Variants in GEMIN5 observed in about 807,000 individuals in gnomAD.
GEMIN5 encodes the protein gem-associated protein 5.
Under a neutral mutation model 176.9 loss-of-function variants are expected in GEMIN5, and 124 were observed. The observed-to-expected ratio is 0.70, with a 90% CI of 0.61 to 0.81. The LOEUF (loss-of-function observed/expected upper bound fraction) is 0.81, where lower values mean the gene tolerates loss of function less well. Among genes scored for constraint, GEMIN5 ranks in the 40% least tolerant of loss-of-function variants. The pLI, the probability that GEMIN5 is intolerant of heterozygous loss-of-function variation, is 0.00. For missense variants in GEMIN5, 1,843 were observed against 1,814.6 expected (o/e 1.02, Z -0.28); for synonymous variants, 673 against 665.2 (o/e 1.01, Z -0.18).
intron 11 of GEMIN5, among the ~76,000 whole-genome samples, chr5:154,919,586 A>G (rs1365782676): frequency 6.6e-6 from 1 of 152,236 alleles, no homozygotes; most frequent in Non-Finnish European, 1.5e-5. Flanking sequence ...TTTGGATACT[A>G]TATTATTGTT....
intron 5 of GEMIN5, 91 bp from the exon 6 acceptor site, chr5:154,928,750 G>T: frequency 9.5e-7 from 1 of 1,049,572 alleles, no homozygotes; most frequent in Non-Finnish European, 1.4e-6. Context: ...AGTCTGCGCT[G>T]TAAAAGCTTG....
At position 154,907,548 on chromosome 5, in the gene GEMIN5, A is replaced by T. The variant is rs776216197; in HGVS notation, c.2395+43T>A. 2.1e-6 allele frequency: 3 copies of T among 1,458,030 alleles called. No homozygotes were observed. The South Asian group carries it at 3.4e-5, about 17-fold the overall frequency. 90.3% of individuals were successfully genotyped at this position (1,458,030 alleles called of 1,614,324 possible). A position where few individuals can be genotyped will look rare whatever the true frequency, so the allele number is the denominator to read the frequency against. ...AAGGACCTAGCTTAGTTTCCCAGAC[A>T]CGACCATGAAATCCTAGTGATACAC... On this transcript the variant is annotated intron_variant, in intron 16 of 27. Transcript: ENST00000285873.
At position 154,907,702 on chromosome 5, in the gene GEMIN5, C is replaced by T; in HGVS notation, c.2284G>A (p.Glu762Lys). 1.2e-6 allele frequency: 2 copies of T among 1,614,094 alleles called. No individual in the cohort carries two copies. The highest frequency in any genetic ancestry group is 1.1e-5 in the South Asian group (1 of 91,084). ...PVKLESIDGN[E>K]EESMKENSGP... ...GAGTTCTCCTTCATGCTTTCTTCTTCATTTCCATCAATCGATTCCAGCTTT... is the reference window on the plus strand; with the variant it reads ...GAGTTCTCCTTCATGCTTTCTTCTTTATTTCCATCAATCGATTCCAGCTTT... The change falls in exon 16 of 28, where the codon GAA (glutamate) becomes AAA (lysine). Residue 762 changes from glutamate (E) to lysine (K), a missense_variant. By Grantham distance (56) the Glu-to-Lys change is moderately conservative. Transcript: ENST00000285873.
intron 21 of GEMIN5, among the ~76,000 whole-genome samples, chr5:154,899,719 A>T (rs1350824410): frequency 6.6e-6 from 1 of 152,222 alleles, no homozygotes; most frequent in Non-Finnish European, 1.5e-5. Flanking sequence ...TACAGTGGAA[A>T]AAAAGGAAGA....
At position 154,905,507 on chromosome 5, in the gene GEMIN5, G is replaced by A. The variant is rs377246796; in HGVS notation, c.2396-31C>T. ...TCATGGGGGAAAAAGGAAAAAAAAA[G>A]TTAAGGATAACAATAATACAGAATT... On this transcript the variant is annotated intron_variant, in intron 16 of 27. Coordinates refer to ENST00000285873, the MANE Select transcript of GEMIN5 (RefSeq NM_015465.5). 1.3e-5 allele frequency: 14 copies of A among 1,054,356 alleles called. No homozygotes were observed. The African/African-American group carries it at 1.9e-4, about 15-fold the overall frequency. The allele number at this position is 1,054,356 out of a possible 1,614,324, so 65.3% of individuals were successfully genotyped here.
rs1332978253 is a variant in GEMIN5, at chr5:154,917,068, T to A, written c.1785A>T (p.Glu595Asp). 19 of 1,609,802 alleles carry A rather than the reference T, an allele frequency of 1.2e-5. No individual in the cohort carries two copies. The highest frequency in any genetic ancestry group is 1.4e-5 in the Non-Finnish European group (16 of 1,176,744). ...SWHHEHGSQP[E>D]LSYLMASGSN... ...AGCCAGAGGCCATCAGATAGCTCAATTCTGGCTGGCTGCCATGCTCATGAT... is the reference window on the plus strand; with the variant it reads ...AGCCAGAGGCCATCAGATAGCTCAAATCTGGCTGGCTGCCATGCTCATGAT... The change falls in exon 13 of 28, where the codon GAA becomes GAT. Residue 595 changes from glutamate (E) to aspartate (D), a missense_variant. Transcript: ENST00000285873.
chr5:154,903,066 T>C lies in GEMIN5; in HGVS notation c.2728+14A>G, dbSNP rs1288864933. On this transcript the variant is annotated intron_variant, in intron 19 of 27. Coordinates refer to ENST00000285873, the MANE Select transcript of GEMIN5 (RefSeq NM_015465.5). ...TAAAGATGGATGAGATTATGTTGAC[T>C]GGATTTGTCTCACCTTCAATATCAA... is the stretch of plus-strand genomic sequence containing the variant. 2 of 1,490,960 alleles carry C rather than the reference T, an allele frequency of 1.3e-6. No homozygotes were observed. Among genetic ancestry groups the C allele is most frequent in the Non-Finnish European group, 1.9e-6 (2 of 1,073,812 alleles). The allele number at this position is 1,490,960 out of a possible 1,614,324, so 92.4% of individuals were successfully genotyped here.
intron 2 of GEMIN5, 134 bp downstream of exon 2, chr5:154,936,891 A>G: frequency 1.4e-6 from 1 of 700,928 alleles, no homozygotes; most frequent in South Asian, 2.3e-5. Flanking sequence ...ATCTTACAAT[A>G]TAGTTTCTTA....
chr5:154,934,231 G>C lies in GEMIN5; in HGVS notation c.509+1610C>G, dbSNP rs548139263. ...GACAGAGTTTCGCTCTTGTTGCCCA[G>C]GCTGGGGTGCAATGGCTCAATCCTG... On this transcript the variant is annotated intron_variant, in intron 3 of 27. Coordinates refer to ENST00000285873, the MANE Select transcript of GEMIN5 (RefSeq NM_015465.5). Among the ~76,000 whole-genome samples the C allele has an allele frequency of 1.6e-4, 24 of 152,190 alleles. No individual in the cohort carries two copies. In the South Asian group the frequency reaches 4.4e-3, roughly 28 times the overall value.
At chr5:154,931,681 G>C (rs973956586) in intron 4 of GEMIN5, 104 bp from the exon 5 acceptor site, 15 of 846,330 alleles carry the variant, frequency 1.8e-5, no homozygotes, top group Admixed American at 2.7e-5. Flanking sequence ...CTCTTTCATA[G>C]GTCTGAACTA....
intron 6 of GEMIN5, among the ~76,000 whole-genome samples, chr5:154,928,319 G>C (rs1194280552): frequency 6.6e-6 from 1 of 152,190 alleles, no homozygotes; most frequent in Non-Finnish European, 1.5e-5. Context: ...TGACTTCAGA[G>C]TCCATATTCC....
At chr5:154,931,156 C>T (rs949706071) in intron 5 of GEMIN5, among the ~76,000 whole-genome samples, 2 of 152,256 alleles carry the variant, frequency 1.3e-5, no homozygotes, top group Non-Finnish European at 2.9e-5. Context: ...TAGGCCATAT[C>T]ATGTTCTAAT....
At chr5:154,924,790 C>T (rs544754551) in intron 8 of GEMIN5, among the ~76,000 whole-genome samples, 3 of 151,908 alleles carry the variant, frequency 2.0e-5, no homozygotes, top group Admixed American at 6.6e-5. Context: ...GAGATCGAGA[C>T]CATCCTGGCT....
intron 14 of GEMIN5, among the ~76,000 whole-genome samples, chr5:154,912,193 G>A (rs963076874): frequency 6.6e-6 from 1 of 152,122 alleles, no homozygotes; most frequent in Non-Finnish European, 1.5e-5. Flanking sequence ...GTTAACTTTT[G>A]GGCTTGAGAT....
intron 6 of GEMIN5, among the ~76,000 whole-genome samples, chr5:154,928,104 C>A (rs1582674481): frequency 6.6e-6 from 1 of 152,134 alleles, no homozygotes; most frequent in Admixed American, 6.5e-5. Context: ...TATTGGACTA[C>A]CCTTTAAACA....
chr5:154,891,611 T>G lies in GEMIN5; in HGVS notation c.3892A>C (p.Asn1298His), dbSNP rs200376323. ...CCAGCCCTTACCCAGACACTGGAAT[T>G]TGGGCAAGGTCTGGAGAGAGACCAC... ...FWWSLSRPCP[N>H]SSVWVRAGHR... Residue 1298 changes from asparagine to histidine, a missense_variant, in exon 26 of 28, where the codon AAT (asparagine) becomes CAT (histidine). Asn to His is a moderately conservative substitution (Grantham distance 68). Transcript: ENST00000285873. The G allele has an allele frequency of 1.2e-5, 19 of 1,614,096 alleles. No homozygotes were observed. In the Admixed American group the frequency reaches 2.7e-4, roughly 23 times the overall value.
intron 16 of GEMIN5, 54 bp downstream of exon 16, chr5:154,907,537 G>A: frequency 7.4e-7 from 1 of 1,347,234 alleles, no homozygotes; most frequent in Non-Finnish European, 1.1e-6. Context: ...ACCTAGCTTA[G>A]TTTCCCAGAC....
chr5:154,902,807 C>G (rs1018855544), intron 19 of GEMIN5, 131 bp from the exon 20 acceptor site: 36 of 897,282 alleles, frequency 4.0e-5, no homozygotes, highest in Non-Finnish European at 6.2e-5. Flanking sequence ...TGGGTGTCAC[C>G]TACCAGAGTG....
chr5:154,899,710 A>C (rs1224992502), intron 21 of GEMIN5, among the ~76,000 whole-genome samples: 1 of 152,222 alleles, frequency 6.6e-6, no homozygotes, highest in Non-Finnish European at 1.5e-5. Flanking sequence ...GGTGGCTCTT[A>C]CAGTGGAAAA....
Sources: allele counts gnomAD v4.1 joint callset (sites outside exome capture counted in the v4.1 genomes callset), GRCh38; gene constraint gnomAD v4.1.1; transcripts MANE v1.5; gene names NCBI Gene and HGNC (gene_info 2026-07-23, HGNC 2026-07-21).